The following ZSWIM6 variants were observed in gnomAD, a reference collection of about 807,000 sequenced individuals.
ZSWIM6 encodes zinc finger SWIM-type containing 6.
ZSWIM6 carries 9 observed loss-of-function variants against 113.2 expected under a neutral mutation model. That is an observed-to-expected ratio of 0.08 (90% CI 0.05 to 0.14). ZSWIM6 has a LOEUF of 0.14. ZSWIM6 is among the 10% of genes least tolerant of loss of function. The probability of loss-of-function intolerance (pLI) is 1.00; values close to 1 mark genes in which losing one functional copy is unlikely to be tolerated. For missense variants in ZSWIM6, 1,162 were observed against 1,552.2 expected, an observed-to-expected ratio of 0.75 and a Z score of 4.22; for synonymous variants, 611 against 606.5, an observed-to-expected ratio of 1.01 and a Z score of -0.11.
chr5:61,459,670 C>A lies in ZSWIM6; in HGVS notation c.677-13011C>A, dbSNP rs550648742. Among the ~76,000 whole-genome samples, 13 of 152,258 alleles carry A rather than the reference C, an allele frequency of 8.5e-5. No homozygotes were observed. In the South Asian group the frequency reaches 2.5e-3, roughly 29 times the overall value. ...CATTTAACCTTGTATTAAATAAAAG[C>A]TTTACATTTTTATTTATTCATTCAC... On this transcript the variant is annotated intron_variant, in intron 1 of 13. Transcript: ENST00000252744.
chr5:61,447,111 G>C (rs145751120), intron 1 of ZSWIM6, among the ~76,000 whole-genome samples: 1 of 151,962 alleles, frequency 6.6e-6, no homozygotes, highest in Non-Finnish European at 1.5e-5. Context: ...TACTAAGCAG[G>C]CCCAACCCTG....
At chr5:61,486,068 C>T (rs1452279936) in intron 2 of ZSWIM6, among the ~76,000 whole-genome samples, 1 of 152,010 alleles carries the variant, frequency 6.6e-6, no homozygotes, top group East Asian at 1.9e-4. Context: ...CATCCATCAC[C>T]TGGATAATGT....
intron 1 of ZSWIM6, among the ~76,000 whole-genome samples, chr5:61,335,397 C>T (rs1464110318): frequency 6.6e-6 from 1 of 152,262 alleles, no homozygotes; most frequent in Non-Finnish European, 1.5e-5. Flanking sequence ...TGTTAAATGC[C>T]TGGCAGCTGG....
intron 1 of ZSWIM6, among the ~76,000 whole-genome samples, chr5:61,409,601 G>C (rs1181762570): frequency 2.0e-5 from 3 of 152,126 alleles, no homozygotes; most frequent in Non-Finnish European, 4.4e-5. Flanking sequence ...TTTCTTGATG[G>C]TTAATTTTAC....
intron 1 of ZSWIM6, among the ~76,000 whole-genome samples, chr5:61,454,767 A>G (rs2112161489): frequency 6.6e-6 from 1 of 152,044 alleles, no homozygotes; most frequent in Admixed American, 6.5e-5. Flanking sequence ...TATTTTTAGT[A>G]GAGATAGGGT....
chr5:61,332,545 C>G lies in ZSWIM6; in HGVS notation c.273C>G (p.Phe91Leu). 1 of 1,352,498 alleles carries G rather than the reference C, an allele frequency of 7.4e-7. No individual in the cohort carries two copies. Among genetic ancestry groups the G allele is most frequent in the Non-Finnish European group, 9.8e-7 (1 of 1,024,818 alleles). The allele number at this position is 1,352,498 out of a possible 1,614,324, so 83.8% of individuals were successfully genotyped here. ...AARRVAEKWPFQRVEERFERI... is the reference protein window; with the variant it reads ...AARRVAEKWPLQRVEERFERI... ...GCAGGGTGGCGGAGAAGTGGCCGTT[C>G]CAGCGCGTGGAGGAGCGCTTTGAGC... The change falls in exon 1 of 14, where the codon TTC (phenylalanine) becomes TTG (leucine). Residue 91 changes from phenylalanine to leucine, a missense_variant. By Grantham distance (22) the Phe-to-Leu change is conservative. Transcript: ENST00000252744.
chr5:61,333,478 G>T (rs986543870), intron 1 of ZSWIM6, among the ~76,000 whole-genome samples: 2 of 151,982 alleles, frequency 1.3e-5, no homozygotes, highest in African/African-American at 2.4e-5. Flanking sequence ...TGAGGGGAGG[G>T]GAATACACTT....
intron 1 of ZSWIM6, among the ~76,000 whole-genome samples, chr5:61,369,025 A>G (rs768090567): frequency 6.6e-6 from 1 of 152,238 alleles, no homozygotes; most frequent in Non-Finnish European, 1.5e-5. Context: ...AAAGGTCTAG[A>G]TACATTTTAG....
intron 1 of ZSWIM6, among the ~76,000 whole-genome samples, chr5:61,386,253 A>C (rs755289306): frequency 1.3e-5 from 2 of 152,132 alleles, no homozygotes; most frequent in African/African-American, 4.8e-5. Context: ...ATCTGTGGAC[A>C]TTTCTCTTCC....
chr5:61,489,085 T>C (rs1460298863), intron 2 of ZSWIM6, among the ~76,000 whole-genome samples: 1 of 152,036 alleles, frequency 6.6e-6, no homozygotes, highest in Non-Finnish European at 1.5e-5. Context: ...TCATCTTCTA[T>C]TCTTGGGTTG....
intron 4 of ZSWIM6, among the ~76,000 whole-genome samples, chr5:61,513,904 A>G (rs539696143): frequency 6.6e-6 from 1 of 151,996 alleles, no homozygotes; most frequent in Non-Finnish European, 1.5e-5. Flanking sequence ...CCTTCTTACA[A>G]CTTTGCCCTT....
At chr5:61,460,078 A>T (rs1315921117) in intron 1 of ZSWIM6, among the ~76,000 whole-genome samples, 1 of 152,198 alleles carries the variant, frequency 6.6e-6, no homozygotes, top group Non-Finnish European at 1.5e-5. Flanking sequence ...GTTGACTTTC[A>T]ACGATGTTTA....
At chr5:61,398,059 G>GA (rs1291919380) in intron 1 of ZSWIM6, among the ~76,000 whole-genome samples, 2 of 152,148 alleles carry the variant, frequency 1.3e-5, no homozygotes, top group Admixed American at 6.5e-5. Context: ...TGATACCTGT[G>GA]AAACTCTTAA....
Position 61,481,363 on chromosome 5 carries a change from G to A in ZSWIM6, c.1033+8326G>A, listed in dbSNP as rs145408054. Among the ~76,000 whole-genome samples, 24 of 151,996 alleles carry A rather than the reference G, an allele frequency of 1.6e-4. No homozygotes were observed. The East Asian group carries it at 2.3e-3, about 15-fold the overall frequency. Reference sequence around the variant, plus strand: ...ATGGTGTGAGACAGATACCTCATTCGGTATGGCGTATATATGCTTTATTAG... The same window carrying A: ...ATGGTGTGAGACAGATACCTCATTCAGTATGGCGTATATATGCTTTATTAG... On this transcript the variant is annotated intron_variant, in intron 2 of 13. Coordinates refer to ENST00000252744, the MANE Select transcript of ZSWIM6 (RefSeq NM_020928.2).
chr5:61,489,329 C>T (rs142193113), intron 2 of ZSWIM6, among the ~76,000 whole-genome samples: 79 of 152,088 alleles, frequency 5.2e-4, no homozygotes, highest in African/African-American at 1.8e-3. Flanking sequence ...TTCCATCACC[C>T]GGCCCTCTTC....
chr5:61,343,885 CTT>C (rs34203086), intron 1 of ZSWIM6, among the ~76,000 whole-genome samples: 24 of 137,942 alleles, frequency 1.7e-4, no homozygotes, highest in Non-Finnish European at 1.3e-4. Flanking sequence ...GCACTTTGGA[CTT>C]TTTTTTTTTT....
At chr5:61,453,552 T>A (rs1331261340) in intron 1 of ZSWIM6, among the ~76,000 whole-genome samples, 1 of 151,908 alleles carries the variant, frequency 6.6e-6, no homozygotes, top group Non-Finnish European at 1.5e-5. Context: ...TTTTTGTATT[T>A]TTTTGTAGAG....
rs564208517 is a variant in ZSWIM6 at position 61,460,413 on chromosome 5, T to C, written c.677-12268T>C. 2.0e-5 allele frequency among the ~76,000 whole-genome samples: 3 copies of C among 152,320 alleles called. No individual in the cohort carries two copies. In the East Asian group the frequency reaches 5.8e-4, roughly 29 times the overall value. On this transcript the variant is annotated intron_variant, in intron 1 of 13. Coordinates refer to ENST00000252744, the MANE Select transcript of ZSWIM6 (RefSeq NM_020928.2). ...GTATGAGTTCTTACAGCGGTTACCA[T>C]TTTCATGTGCTTTTGAATCTTCAAA...
chr5:61,483,528 T>A (rs1325700697), intron 2 of ZSWIM6, among the ~76,000 whole-genome samples: 1 of 152,164 alleles, frequency 6.6e-6, no homozygotes, highest in Non-Finnish European at 1.5e-5. Flanking sequence ...TATGTATATA[T>A]GTAAATTGTC....
Sources: allele counts gnomAD v4.1 joint callset (sites outside exome capture counted in the v4.1 genomes callset), GRCh38; gene constraint gnomAD v4.1.1; transcripts MANE v1.5; gene names NCBI Gene and HGNC (gene_info 2026-07-23, HGNC 2026-07-21).